FSHR: variants seen among roughly 807,000 people sequenced by gnomAD.
The protein encoded by FSHR is follicle stimulating hormone receptor, also known as follicle-stimulating hormone receptor.
In FSHR, 46 loss-of-function variants were observed where a neutral mutation model predicts 52.1. The observed-to-expected ratio is 0.88, with a 90% CI of 0.70 to 1.13. FSHR has a LOEUF of 1.13. Among genes scored for constraint, FSHR ranks in the 50% most tolerant of loss-of-function variants. The pLI, the probability that FSHR is intolerant of heterozygous loss-of-function variation, is 0.00. For synonymous variants in FSHR, 399 were observed against 309.6 expected, an observed-to-expected ratio of 1.29 and a Z score of -3.03; for missense variants, 964 against 834.6, an observed-to-expected ratio of 1.16 and a Z score of -1.91.
chr2:49,072,752 C>G (rs1669783464), intron 1 of FSHR, among the ~76,000 whole-genome samples: 1 of 152,128 alleles, frequency 6.6e-6, no homozygotes, highest in African/African-American at 2.4e-5. Context: ...AAGGAGCTTT[C>G]TACTAGTAGC....
At chr2:49,089,144 T>A in intron 1 of FSHR, among the ~76,000 whole-genome samples, 1 of 151,898 alleles carries the variant, frequency 6.6e-6, no homozygotes, top group African/African-American at 2.4e-5. Flanking sequence ...GAATGATTTA[T>A]TTAATTATTT....
intron 5 of FSHR, 47 bp from the exon 6 acceptor site, chr2:48,989,101 A>G: frequency 6.7e-7 from 1 of 1,494,330 alleles, no homozygotes; most frequent in Non-Finnish European, 9.3e-7. Context: ...AGCTCTACTC[A>G]TGTAACCTTC....
At chr2:49,037,222 A>C (rs140486391) in intron 2 of FSHR, among the ~76,000 whole-genome samples, 6 of 152,368 alleles carry the variant, frequency 3.9e-5, no homozygotes, top group African/African-American at 1.2e-4. Flanking sequence ...CCAATGACAC[A>C]TGATTATGTT....
intron 2 of FSHR, among the ~76,000 whole-genome samples, chr2:49,022,668 C>G (rs759143788): frequency 5.3e-5 from 8 of 152,132 alleles, no homozygotes; most frequent in Non-Finnish European, 1.2e-4. Context: ...GGCTCACACA[C>G]TTTCTTCTAC....
At chr2:49,124,944 A>C (rs1024569605) in intron 1 of FSHR, among the ~76,000 whole-genome samples, 9 of 152,052 alleles carry the variant, frequency 5.9e-5, no homozygotes, top group Non-Finnish European at 1.2e-4. Flanking sequence ...TCTTACACTA[A>C]TCCCTGTCCA....
chr2:49,150,661 C>T lies in FSHR; in HGVS notation c.152+3605G>A, dbSNP rs151316996. 3.9e-4 allele frequency among the ~76,000 whole-genome samples: 59 copies of T among 152,132 alleles called. 1 individual carries two copies. Among genetic ancestry groups the T allele is most frequent in the African/African-American group, 1.4e-3 (59 of 41,516 alleles). On this transcript the variant is annotated intron_variant, in intron 1 of 9. Transcript: ENST00000406846. ...ACTCAGGTCTCTCAGATTCTAAACA[C>T]TATACTCCACCATCTCTGACTCATC...
intron 1 of FSHR, among the ~76,000 whole-genome samples, chr2:49,081,032 GT>G (rs1409132567): frequency 6.6e-6 from 1 of 152,096 alleles, no homozygotes; most frequent in Non-Finnish European, 1.5e-5. Context: ...GACAATAAGA[GT>G]TTTATCCACA....
chr2:48,968,781 A>T lies in FSHR; in HGVS notation c.771T>A (p.Thr257=), dbSNP rs768860720. The change falls in exon 9 of 10, where the codon ACT becomes ACA. Residue 257 remains threonine, a synonymous_variant. Coordinates refer to ENST00000406846, the MANE Select transcript of FSHR (RefSeq NM_000145.4). The part of the protein sequence containing the change: ...RSTYNLKKLP[T]LEKLVALMEA... ...CCATGAGGGCGACAAGCTTTTCCAG[A>T]GTAGGCAGCTTTTTTAAGTTGTAAG... The T allele has an allele frequency of 2.5e-6, 4 of 1,614,152 alleles. No homozygotes were observed. The highest frequency in any genetic ancestry group is 3.4e-6 in the Non-Finnish European group (4 of 1,180,010).
rs112746703 is a variant in FSHR at position 49,091,032 on chromosome 2, G to A, written c.153-22742C>T. On this transcript the variant is annotated intron_variant, in intron 1 of 9. Transcript: ENST00000406846. Reference sequence around the variant, plus strand: ...ATAGAAGTCCTTTTTTAGACATAGGGTTTACAAATATTATCTCCCTATCTG... The same window carrying A: ...ATAGAAGTCCTTTTTTAGACATAGGATTTACAAATATTATCTCCCTATCTG... 2.6e-3 allele frequency among the ~76,000 whole-genome samples: 394 copies of A among 151,000 alleles called. 1 individual carries two copies. Among genetic ancestry groups the A allele is most frequent in the Non-Finnish European group, 4.5e-3 (305 of 67,808 alleles).
chr2:49,132,968 T>TAAAAAAAAAAAAAAAA lies in FSHR; in HGVS notation c.152+21282_152+21297dup, dbSNP rs34913428. ...TTCAAGAACATTTATTAAAACTCAG[T>TAAAAAAAAAAAAAAAA]AAAAAAAAAAAAAAAAAAAAAAAAA... On this transcript the variant is annotated intron_variant, in intron 1 of 9. Coordinates refer to ENST00000406846, the MANE Select transcript of FSHR (RefSeq NM_000145.4). Among the ~76,000 whole-genome samples the TAAAAAAAAAAAAAAAA allele has an allele frequency of 1.1e-3, 53 of 48,652 alleles. 3 individuals carry two copies. Among genetic ancestry groups the TAAAAAAAAAAAAAAAA allele is most frequent in the African/African-American group, 4.4e-3 (52 of 11,780 alleles). The allele number at this position is 48,652 out of a possible 152,430, so 31.9% of individuals were successfully genotyped here. A position where few individuals can be genotyped will look rare whatever the true frequency, so the allele number is the denominator to read the frequency against.
intron 1 of FSHR, among the ~76,000 whole-genome samples, chr2:49,107,653 C>G (rs1192604365): frequency 6.6e-6 from 1 of 151,976 alleles, no homozygotes; most frequent in East Asian, 1.9e-4. Flanking sequence ...GTAATCTACC[C>G]CTTGGCAAAA....
intron 4 of FSHR, among the ~76,000 whole-genome samples, chr2:48,994,102 G>A (rs954127542): frequency 1.3e-5 from 2 of 152,124 alleles, no homozygotes; most frequent in Non-Finnish European, 2.9e-5. Flanking sequence ...CGCATAAAAT[G>A]TGCTCAATGT....
intron 1 of FSHR, among the ~76,000 whole-genome samples, chr2:49,129,825 G>A (rs939387915): frequency 2.6e-5 from 4 of 152,062 alleles, no homozygotes; most frequent in African/African-American, 9.7e-5. Flanking sequence ...ATATGGTCTG[G>A]CAGACCCTAC....
intron 1 of FSHR, among the ~76,000 whole-genome samples, chr2:49,091,604 AT>A: frequency 6.6e-6 from 1 of 152,226 alleles, no homozygotes; most frequent in Non-Finnish European, 1.5e-5. Flanking sequence ...GCCAATAACA[AT>A]TTTTTTAAAA....
At chr2:48,977,242 G>A (rs925275793) in intron 8 of FSHR, among the ~76,000 whole-genome samples, 7 of 152,142 alleles carry the variant, frequency 4.6e-5, no homozygotes, top group South Asian at 2.1e-4. Context: ...GTGAGGGAGG[G>A]TTATTTAGAA....
chr2:48,982,071 TTAGAGCCC>T (rs1396810740), intron 8 of FSHR, among the ~76,000 whole-genome samples: 5 of 152,206 alleles, frequency 3.3e-5, no homozygotes, highest in African/African-American at 4.8e-5. Flanking sequence ...TAGGTCTTGC[TTAGAGCCC>T]AGGAACACAT....
chr2:49,072,237 A>G (rs1669764085), intron 1 of FSHR, among the ~76,000 whole-genome samples: 1 of 151,400 alleles, frequency 6.6e-6, no homozygotes, highest in Non-Finnish European at 1.5e-5. Context: ...CCAACCAACC[A>G]ACCAAACAAA....
intron 4 of FSHR, among the ~76,000 whole-genome samples, chr2:49,012,064 C>A (rs1189379462): frequency 6.6e-6 from 1 of 152,030 alleles, no homozygotes; most frequent in Non-Finnish European, 1.5e-5. Context: ...GGAGGTCTAA[C>A]AGGCCCACAT....
intron 1 of FSHR, among the ~76,000 whole-genome samples, chr2:49,126,137 G>A (rs1671988602): frequency 6.6e-6 from 1 of 152,132 alleles, no homozygotes; most frequent in Non-Finnish European, 1.5e-5. Flanking sequence ...TCTCTTTTGT[G>A]GTGTTATAAC....
Sources: allele counts gnomAD v4.1 joint callset (sites outside exome capture counted in the v4.1 genomes callset), GRCh38; gene constraint gnomAD v4.1.1; transcripts MANE v1.5; gene names NCBI Gene and HGNC (gene_info 2026-07-23, HGNC 2026-07-21).